Variants in SCD5 observed in about 807,000 individuals in gnomAD.
The protein encoded by SCD5 is acyl-CoA-desaturase 4.
In SCD5, 20 loss-of-function variants were observed where a neutral mutation model predicts 30.4. The observed-to-expected ratio is 0.66, with a 90% CI of 0.46 to 0.96. The LOEUF (loss-of-function observed/expected upper bound fraction) is 0.96, where lower values mean the gene tolerates loss of function less well. Among genes scored for constraint, SCD5 ranks in the 40% least tolerant of loss-of-function variants. The pLI, the probability that SCD5 is intolerant of heterozygous loss-of-function variation, is 0.00. For synonymous variants in SCD5, 173 were observed against 176.4 expected, an observed-to-expected ratio of 0.98 and a Z score of 0.16; for missense variants, 381 against 443.3, an observed-to-expected ratio of 0.86 and a Z score of 1.26.
At chr4:82,746,863 G>A (rs1019674887) in intron 1 of SCD5, among the ~76,000 whole-genome samples, 1 of 152,084 alleles carries the variant, frequency 6.6e-6, no homozygotes, top group Non-Finnish European at 1.5e-5. Context: ...TTACACTCAA[G>A]GGTTGCATTT....
intron 2 of SCD5, among the ~76,000 whole-genome samples, chr4:82,699,902 C>T (rs1051481916): frequency 6.6e-5 from 10 of 151,726 alleles, no homozygotes; most frequent in South Asian, 2.1e-4. Flanking sequence ...CCTCGTAATC[C>T]GCCTGCCTCG....
chr4:82,748,294 G>A (rs2148841437), intron 1 of SCD5, among the ~76,000 whole-genome samples: 1 of 152,188 alleles, frequency 6.6e-6, no homozygotes, highest in Non-Finnish European at 1.5e-5. Flanking sequence ...ATAGACTCAG[G>A]CCTAGGCATG....
chr4:82,781,488 T>C (rs1002734086), intron 1 of SCD5, among the ~76,000 whole-genome samples: 1 of 151,940 alleles, frequency 6.6e-6, no homozygotes. Flanking sequence ...AGGGGAAAGA[T>C]TCAACAGCAG....
rs10701664 is a variant in SCD5 at position 82,702,130 on chromosome 4, C to CTTTTTTTT, written c.363+3145_363+3152dup. On this transcript the variant is annotated intron_variant, in intron 2 of 4. Coordinates refer to ENST00000319540, the MANE Select transcript of SCD5 (RefSeq NM_001037582.3). The stretch of plus-strand genomic sequence containing the variant: ...TCAGGCATTCCTGCCCCATCATCAT[C>CTTTTTTTT]TTTTTTTTTTTTTTTTTTTTTTTTT... 2.5e-3 allele frequency among the ~76,000 whole-genome samples: 158 copies of CTTTTTTTT among 64,114 alleles called. 16 individuals are homozygous for CTTTTTTTT. Among genetic ancestry groups the CTTTTTTTT allele is most frequent in the African/African-American group, 3.8e-3 (68 of 17,828 alleles). The allele number at this position is 64,114 out of a possible 152,430, so 42.1% of individuals were successfully genotyped here.
chr4:82,633,285 T>A (rs1363935823), intron 4 of SCD5, among the ~76,000 whole-genome samples: 2 of 152,252 alleles, frequency 1.3e-5, no homozygotes, highest in East Asian at 3.8e-4. Context: ...TCCTCCAGGT[T>A]CATTCAAGTT....
chr4:82,760,224 T>C (rs574333686), intron 1 of SCD5, among the ~76,000 whole-genome samples: 79 of 152,304 alleles, frequency 5.2e-4, no homozygotes, highest in African/African-American at 1.9e-3. Context: ...TGTGTTAACC[T>C]TCACAGTCCT....
chr4:82,697,415 G>C (rs1719719167), intron 2 of SCD5, among the ~76,000 whole-genome samples: 1 of 152,170 alleles, frequency 6.6e-6, no homozygotes, highest in Non-Finnish European at 1.5e-5. Context: ...CTGCATTAAA[G>C]AGTTCCCACC....
chr4:82,694,447 T>C (rs1719649867), intron 2 of SCD5, among the ~76,000 whole-genome samples: 5 of 152,202 alleles, frequency 3.3e-5, no homozygotes. Flanking sequence ...ACCTCCTGAG[T>C]TTTCCTCAGG....
At chr4:82,772,239 T>C (rs1721640232) in intron 1 of SCD5, among the ~76,000 whole-genome samples, 1 of 152,224 alleles carries the variant, frequency 6.6e-6, no homozygotes. Context: ...AAGAACAGAC[T>C]GGAAGATGCT....
chr4:82,672,189 AAAT>A (rs1728341272), intron 3 of SCD5, among the ~76,000 whole-genome samples: 2 of 152,228 alleles, frequency 1.3e-5, no homozygotes, highest in African/African-American at 4.8e-5. Context: ...AGAAGAAAAT[AAAT>A]AATAAAAATT....
At chr4:82,750,630 C>T (rs935283803) in intron 1 of SCD5, among the ~76,000 whole-genome samples, 5 of 150,590 alleles carry the variant, frequency 3.3e-5, no homozygotes, top group Non-Finnish European at 7.4e-5. Flanking sequence ...CACAAGAGAG[C>T]TGCTTGTAGC....
intron 3 of SCD5, among the ~76,000 whole-genome samples, chr4:82,652,307 A>G (rs1301276981): frequency 6.6e-6 from 1 of 152,190 alleles, no homozygotes; most frequent in Non-Finnish European, 1.5e-5. Context: ...GACAGCTCTG[A>G]CTCATAATTA....
chr4:82,697,406 T>G (rs1719718979), intron 2 of SCD5, among the ~76,000 whole-genome samples: 2 of 152,354 alleles, frequency 1.3e-5, no homozygotes, highest in Non-Finnish European at 2.9e-5. Flanking sequence ...AGGTAAGATC[T>G]GCATTAAAGA....
At chr4:82,680,294 C>T (rs563043368) in intron 3 of SCD5, among the ~76,000 whole-genome samples, 4 of 152,250 alleles carry the variant, frequency 2.6e-5, no homozygotes, top group Non-Finnish European at 5.9e-5. Context: ...TTTCAGGACA[C>T]AGTAGGATAC....
chr4:82,775,609 C>G (rs1378971193), intron 1 of SCD5: 1 of 152,250 alleles, frequency 6.6e-6, no homozygotes, highest in Non-Finnish European at 1.5e-5. Context: ...GTCTATAATT[C>G]CAGCAGTTTG....
intron 2 of SCD5, chr4:82,692,100 A>G (rs1719531709): frequency 2.6e-5 from 4 of 152,800 alleles, no homozygotes; most frequent in Admixed American, 2.6e-4. Context: ...TTCCTGGGCT[A>G]TGTGGAGTGT....
intron 1 of SCD5, among the ~76,000 whole-genome samples, chr4:82,712,338 G>C (rs1271212369): frequency 1.9e-5 from 2 of 107,984 alleles, no homozygotes; most frequent in Admixed American, 9.9e-5. Context: ...ATGAAGTCTC[G>C]CTCTGTCGCC....
chr4:82,660,590 T>C (rs1220777810), intron 3 of SCD5: 2 of 1,255,668 alleles, frequency 1.6e-6, no homozygotes, highest in Non-Finnish European at 2.0e-6. Context: ...ATTCTCCCAA[T>C]AATTTTGTAA....
In SCD5 at chr4:82,738,196, G is replaced by A. The variant is rs140446273; in HGVS notation, c.233-32783C>T. Among the ~76,000 whole-genome samples, 1,482 of 152,274 alleles carry A rather than the reference G, an allele frequency of 9.7e-3. 10 individuals carry two copies. The highest frequency in any genetic ancestry group is 0.018 in the South Asian group (89 of 4,812). On this transcript the variant is annotated intron_variant, in intron 1 of 4. Coordinates refer to ENST00000319540, the MANE Select transcript of SCD5 (RefSeq NM_001037582.3). ...AGCACTTTGGGAGGCCTAGGCGGGCGGATCACGAGGTCAAGAGACGGAGAC... is the reference window on the plus strand; with the variant it reads ...AGCACTTTGGGAGGCCTAGGCGGGCAGATCACGAGGTCAAGAGACGGAGAC...
Sources: gnomAD v4.1 joint callset for allele counts (sites outside exome capture counted in the v4.1 genomes callset) on GRCh38, gnomAD v4.1.1 for gene constraint, MANE v1.5 for transcripts, NCBI Gene and HGNC (gene_info 2026-07-23, HGNC 2026-07-21) for gene names.